Variants in ROBO2 observed in about 807,000 individuals in gnomAD.
ROBO2 encodes roundabout guidance receptor 2.
In ROBO2, 53 loss-of-function variants were observed where a neutral mutation model predicts 160.8. The ratio of observed to expected loss-of-function variants is 0.33; its 90% CI spans 0.26 to 0.41. ROBO2 has a LOEUF of 0.41. Ranked by LOEUF, ROBO2 falls within the 10% of genes least tolerant of loss-of-function variation. ROBO2 has a pLI of 1.00. For missense variants in ROBO2, 1,577 were observed against 1,722.4 expected (o/e 0.92, Z 1.49); for synonymous variants, 664 against 611.7 (o/e 1.09, Z -1.26).
chr3:77,060,990 C>T (rs1410120631), intron 1 of ROBO2, among the ~76,000 whole-genome samples: 5 of 151,648 alleles, frequency 3.3e-5, no homozygotes, highest in African/African-American at 4.8e-5. Flanking sequence ...GGCTGGAAGA[C>T]AGTGGTGCAA....
intron 6 of ROBO2, among the ~76,000 whole-genome samples, chr3:77,534,508 C>T (rs184717790): frequency 2.4e-4 from 37 of 152,172 alleles, no homozygotes; most frequent in African/African-American, 8.7e-4. Flanking sequence ...TAAGTTGCTG[C>T]ACTTTGTAGA....
intron 5 of ROBO2, among the ~76,000 whole-genome samples, chr3:77,521,468 AT>A (rs1337708572): frequency 2.0e-5 from 3 of 151,266 alleles, no homozygotes; most frequent in African/African-American, 7.3e-5. Flanking sequence ...CAGTAATTCG[AT>A]TTTTATAGTA....
intron 2 of ROBO2, among the ~76,000 whole-genome samples, chr3:77,326,297 T>C (rs1167162926): frequency 6.6e-6 from 1 of 152,190 alleles, no homozygotes; most frequent in Admixed American, 6.5e-5. Flanking sequence ...ATAATCTCAG[T>C]AGTAAAGACT....
At chr3:75,920,993 G>A (rs1019656515) in intron 1 of ROBO2, among the ~76,000 whole-genome samples, 3 of 151,934 alleles carry the variant, frequency 2.0e-5, no homozygotes, top group African/African-American at 7.3e-5. Context: ...CAATTTTCCA[G>A]TCTATGTCTT....
Position 76,869,211 on chromosome 3 carries a change from G to C in ROBO2, c.110-228803G>C, listed in dbSNP as rs1001855457. ...TTGAAACTAAGTCGTCCTAACCATT[G>C]GGTAAACTACCTCTCAGTGCAGATG... On this transcript the variant is annotated intron_variant, in intron 2 of 26. Coordinates refer to the ROBO2 transcript ENST00000487694. 2.0e-5 allele frequency among the ~76,000 whole-genome samples: 3 copies of C among 152,032 alleles called. No individual in the cohort carries two copies. The South Asian group carries it at 6.2e-4, about 32-fold the overall frequency.
intron 2 of ROBO2, among the ~76,000 whole-genome samples, chr3:77,026,207 A>AT (rs1399713680): frequency 3.3e-5 from 5 of 152,210 alleles, no homozygotes. Context: ...ATCTAGGGAT[A>AT]AATTTTGACC....
intron 2 of ROBO2, among the ~76,000 whole-genome samples, chr3:76,395,804 A>T (rs1576915499): frequency 6.6e-6 from 1 of 152,260 alleles, no homozygotes; most frequent in South Asian, 2.1e-4. Context: ...GACCAATAAC[A>T]GGCTCTGAAA....
intron 2 of ROBO2, among the ~76,000 whole-genome samples, chr3:76,813,583 C>T (rs181684659): frequency 8.4e-4 from 128 of 152,088 alleles, no homozygotes; most frequent in Admixed American, 2.4e-3. Flanking sequence ...GTAACTATTC[C>T]CAAATTTATG....
chr3:77,497,325 C>A (rs975833514), intron 5 of ROBO2, among the ~76,000 whole-genome samples: 1 of 151,996 alleles, frequency 6.6e-6, no homozygotes. Flanking sequence ...GAGGAACAAG[C>A]AAGTGAAAGG....
At chr3:76,607,980 A>T (rs1037276679) in intron 2 of ROBO2, among the ~76,000 whole-genome samples, 2 of 152,184 alleles carry the variant, frequency 1.3e-5, no homozygotes, top group African/African-American at 4.8e-5. Flanking sequence ...ACTCCATCAA[A>T]TTGCTTATGG....
intron 2 of ROBO2, among the ~76,000 whole-genome samples, chr3:76,373,616 C>T (rs2076207812): frequency 6.6e-6 from 1 of 151,962 alleles, no homozygotes; most frequent in African/African-American, 2.4e-5. Flanking sequence ...TTGTTCACTT[C>T]TGTATTTCCA....
At chr3:77,439,642 G>A (rs188461032) in intron 2 of ROBO2, among the ~76,000 whole-genome samples, 83 of 152,120 alleles carry the variant, frequency 5.5e-4, no homozygotes, top group African/African-American at 1.6e-3. Flanking sequence ...AAGAGAAGAC[G>A]CATGCTAACC....
chr3:76,281,611 C>T (rs1708236547), intron 2 of ROBO2, among the ~76,000 whole-genome samples: 1 of 140,018 alleles, frequency 7.1e-6, no homozygotes, highest in African/African-American at 2.7e-5. Context: ...TGTGACTTTT[C>T]TTACATCACT....
intron 2 of ROBO2, among the ~76,000 whole-genome samples, chr3:77,176,566 A>G (rs889944924): frequency 1.2e-4 from 18 of 152,054 alleles, no homozygotes; most frequent in African/African-American, 3.6e-4. Flanking sequence ...AGCATATATC[A>G]TTAGAAAGAT....
At chr3:76,984,065 T>A (rs1460313610) in intron 2 of ROBO2, among the ~76,000 whole-genome samples, 1 of 151,866 alleles carries the variant, frequency 6.6e-6, no homozygotes, top group Non-Finnish European at 1.5e-5. Context: ...CCATCAGATA[T>A]CATGAGACTC....
intron 2 of ROBO2, among the ~76,000 whole-genome samples, chr3:77,197,517 A>C (rs1378963621): frequency 6.6e-6 from 1 of 152,216 alleles, no homozygotes; most frequent in Non-Finnish European, 1.5e-5. Context: ...TGTTGGTTCT[A>C]GTGAAGTTGA....
intron 2 of ROBO2, among the ~76,000 whole-genome samples, chr3:76,280,726 A>G (rs899207142): frequency 6.6e-6 from 1 of 151,964 alleles, no homozygotes; most frequent in African/African-American, 2.4e-5. Flanking sequence ...CAGAAGATCT[A>G]AAAGATCTTC....
intron 1 of ROBO2, among the ~76,000 whole-genome samples, chr3:77,077,695 C>T (rs1304162300): frequency 1.3e-5 from 2 of 152,170 alleles, no homozygotes; most frequent in Admixed American, 6.5e-5. Context: ...TTCAGAGTAG[C>T]ATGCAGTCCT....
intron 2 of ROBO2, among the ~76,000 whole-genome samples, chr3:77,329,114 C>T (rs553130728): frequency 5.0e-4 from 76 of 152,242 alleles, no homozygotes; most frequent in African/African-American, 1.8e-3. Flanking sequence ...TTGACTTTTC[C>T]CCATTAATTA....
Sources: allele counts gnomAD v4.1 joint callset (sites outside exome capture counted in the v4.1 genomes callset), GRCh38; gene constraint gnomAD v4.1.1; transcripts MANE v1.5; gene names NCBI Gene and HGNC (gene_info 2026-07-23, HGNC 2026-07-21).